The following FBP1 variants were observed in gnomAD, a reference collection of about 807,000 sequenced individuals.
The protein encoded by FBP1 is fructose-bisphosphatase 1.
In FBP1, 22 loss-of-function variants were observed where a neutral mutation model predicts 29.9. The ratio of observed to expected loss-of-function variants is 0.74; its 90% CI spans 0.53 to 1.05. The LOEUF (loss-of-function observed/expected upper bound fraction) is 1.05. Ranked by LOEUF, FBP1 falls within the 50% of genes least tolerant of loss-of-function variation. FBP1 has a pLI of 0.00. For synonymous variants in FBP1, 175 were observed against 178.6 expected (o/e 0.98, Z 0.16); for missense variants, 345 against 448.2 (o/e 0.77, Z 2.08).
chr9:94,608,938 T>C (rs773506290), intron 4 of FBP1, among the ~76,000 whole-genome samples: 4 of 152,126 alleles, frequency 2.6e-5, no homozygotes, highest in Non-Finnish European at 5.9e-5. Flanking sequence ...TGGTGGCTCA[T>C]GCCTGTAATC....
rs1202464251 is a variant in FBP1 at position 94,639,438 on chromosome 9, G to C, written c.-128C>G. The C allele has an allele frequency of 9.1e-7, 1 of 1,098,832 alleles. No homozygotes were observed. The highest frequency in any genetic ancestry group is 1.3e-6 in the Non-Finnish European group (1 of 745,190). 68.1% of individuals were successfully genotyped at this position (1,098,832 alleles called of 1,614,324 possible). A position where few individuals can be genotyped will look rare whatever the true frequency, so the allele number is the denominator to read the frequency against. On this transcript the variant is annotated 5_prime_UTR_variant, in exon 1 of 7. Transcript: ENST00000375326. ...AGCTGCAGGTGCGGGCGGCAGGTGC[G>C]GGCCGCGGGACCTGGCGGGAGGACT... is the stretch of plus-strand genomic sequence containing the variant.
At chr9:94,612,423 T>C (rs1827798617) in intron 3 of FBP1, among the ~76,000 whole-genome samples, 1 of 152,166 alleles carries the variant, frequency 6.6e-6, no homozygotes, top group African/African-American at 2.4e-5. Flanking sequence ...TCTACATTTA[T>C]ACACTTCCTC....
At position 94,639,380 on chromosome 9, in the gene FBP1, AGAGAGGGCAGTAGGCACTG is replaced by A; in HGVS notation, c.-89_-71del. 1.3e-6 allele frequency: 2 copies of A among 1,525,910 alleles called. No individual in the cohort carries two copies. The highest frequency in any genetic ancestry group is 1.8e-6 in the Non-Finnish European group (2 of 1,123,784). The allele number at this position is 1,525,910 out of a possible 1,614,324, so 94.5% of individuals were successfully genotyped here. ...TGCGGGGCTGCAGGTGCGGGCGGCA[AGAGAGGGCAGTAGGCACTG>A]GCCGCAGGTGCGGAGCTGCAGGTGC... is the stretch of plus-strand genomic sequence containing the variant. On this transcript the variant is annotated 5_prime_UTR_variant, in exon 1 of 7. Coordinates refer to ENST00000375326, the MANE Select transcript of FBP1 (RefSeq NM_000507.4).
chr9:94,629,631 A>G (rs1828073775), intron 1 of FBP1, among the ~76,000 whole-genome samples: 1 of 152,172 alleles, frequency 6.6e-6, no homozygotes, highest in African/African-American at 2.4e-5. Flanking sequence ...GTGACATCAC[A>G]TAACCCCCAC....
In FBP1 at chr9:94,617,826, C is replaced by G; in HGVS notation, c.368G>C (p.Gly123Ala). 1 of 1,613,860 alleles carries G rather than the reference C, an allele frequency of 6.2e-7. No homozygotes were observed. Among genetic ancestry groups the G allele is most frequent in the Non-Finnish European group, 8.5e-7 (1 of 1,179,874 alleles). Residue 123 changes from glycine to alanine, a missense_variant, in exon 3 of 7, where the codon GGA (glycine) becomes GCA (alanine). By Grantham distance (60) the Gly-to-Ala change is moderately conservative. Coordinates refer to ENST00000375326, the MANE Select transcript of FBP1 (RefSeq NM_000507.4). ...CACAAGGCAATCGATGTTGGAAGATCCATCAAGGGGATCAAAACAGACCAC... is the reference window on the plus strand; with the variant it reads ...CACAAGGCAATCGATGTTGGAAGATGCATCAAGGGGATCAAAACAGACCAC... ...KYVVCFDPLD[G>A]SSNIDCLVSV...
At chr9:94,615,324 T>G (rs1250771361) in intron 3 of FBP1, among the ~76,000 whole-genome samples, 1 of 152,212 alleles carries the variant, frequency 6.6e-6, no homozygotes, top group East Asian at 1.9e-4. Context: ...GCTTGATTTT[T>G]TTTTTTTAGT....
chr9:94,625,907 A>G (rs1186008307), intron 1 of FBP1, among the ~76,000 whole-genome samples: 1 of 152,152 alleles, frequency 6.6e-6, no homozygotes, highest in Non-Finnish European at 1.5e-5. Flanking sequence ...CAGCACCTCC[A>G]TGGACAGGGC....
intron 1 of FBP1, among the ~76,000 whole-genome samples, chr9:94,621,371 G>A (rs1479996025): frequency 6.8e-6 from 1 of 147,506 alleles, no homozygotes; most frequent in Non-Finnish European, 1.5e-5. Context: ...ACTCCAGCCT[G>A]GGCGACAGAG....
chr9:94,609,613 C>CGGG (rs1224749918), intron 4 of FBP1, among the ~76,000 whole-genome samples: 1 of 152,190 alleles, frequency 6.6e-6, no homozygotes, highest in Non-Finnish European at 1.5e-5. Flanking sequence ...CAGCACACTT[C>CGGG]ATCATCCCTA....
At chr9:94,613,853 G>A (rs1325482116) in intron 3 of FBP1, among the ~76,000 whole-genome samples, 4 of 151,696 alleles carry the variant, frequency 2.6e-5, no homozygotes, top group Non-Finnish European at 4.4e-5. Flanking sequence ...CGAGGCGGGC[G>A]GATCACGAGG....
intron 4 of FBP1, among the ~76,000 whole-genome samples, chr9:94,608,220 G>C (rs1827729977): frequency 6.6e-6 from 1 of 152,174 alleles, no homozygotes; most frequent in Non-Finnish European, 1.5e-5. Context: ...GAAACCGTCA[G>C]CCTGGCTTTG....
At chr9:94,605,315 C>A in intron 6 of FBP1, 142 bp downstream of exon 6, 3 of 838,692 alleles carry the variant, frequency 3.6e-6, no homozygotes, top group Non-Finnish European at 1.9e-6. Context: ...TACCTTTAAT[C>A]CACAAAAGAA....
At chr9:94,608,309 G>A (rs1827731693) in intron 4 of FBP1, among the ~76,000 whole-genome samples, 1 of 152,184 alleles carries the variant, frequency 6.6e-6, no homozygotes, top group African/African-American at 2.4e-5. Flanking sequence ...GCAGACAGAA[G>A]GGCTGGAATC....
At chr9:94,631,971 C>T (rs1179154419) in intron 1 of FBP1, among the ~76,000 whole-genome samples, 3 of 152,024 alleles carry the variant, frequency 2.0e-5, no homozygotes, top group South Asian at 2.1e-4. Flanking sequence ...TGGCTGTCTG[C>T]GCTTCTTTTA....
At chr9:94,606,603 C>T (rs565532144) in intron 5 of FBP1, among the ~76,000 whole-genome samples, 12 of 152,144 alleles carry the variant, frequency 7.9e-5, no homozygotes, top group African/African-American at 2.7e-4. Context: ...TCAGTGTAGA[C>T]GGAAGCCCAA....
chr9:94,636,965 C>G lies in FBP1; in HGVS notation c.170+2176G>C, dbSNP rs919184938. Among the ~76,000 whole-genome samples the G allele has an allele frequency of 3.3e-5, 5 of 152,226 alleles. No homozygotes were observed. The South Asian group carries it at 8.3e-4, about 25-fold the overall frequency. ...TCAGCCTCCCAAAGTGCTGGGATTA[C>G]AGGTGTGAGCCACCACACCCAGTCG... On this transcript the variant is annotated intron_variant, in intron 1 of 6. Transcript: ENST00000375326.
rs965048430 is a variant in FBP1 at position 94,632,870 on chromosome 9, C to T, written c.170+6271G>A. 7.2e-5 allele frequency among the ~76,000 whole-genome samples: 11 copies of T among 152,306 alleles called. No homozygotes were observed. In the South Asian group the frequency reaches 1.0e-3, roughly 14 times the overall value. On this transcript the variant is annotated intron_variant, in intron 1 of 6. Transcript: ENST00000375326. ...GGCAGGGCCAGGAATCTAAGCTTGG[C>T]TCCATCTCTCTCCAAAACGTGCTCT...
In FBP1 at chr9:94,617,783, A is replaced by G. The variant is rs1200113261; in HGVS notation, c.411T>C (p.Phe137=). 6.2e-7 allele frequency: 1 copy of G among 1,611,728 alleles called. No homozygotes were observed. Among genetic ancestry groups the G allele is most frequent in the South Asian group, 1.1e-5 (1 of 91,020 alleles). Residue 137 remains phenylalanine, a synonymous_variant, in exon 3 of 7, where the codon TTT becomes TTC. Transcript: ENST00000375326. The part of the protein sequence containing the change: ...IDCLVSVGTI[F]GIYRKKSTDE... Reference sequence around the variant, plus strand: ...CACGTTTTACCTTTCTATAGATGCCAAAAATGGTTCCAACGGACACAAGGC... The same window carrying G: ...CACGTTTTACCTTTCTATAGATGCCGAAAATGGTTCCAACGGACACAAGGC...
chr9:94,612,054 C>A (rs1246460227), intron 3 of FBP1, among the ~76,000 whole-genome samples: 1 of 152,190 alleles, frequency 6.6e-6, no homozygotes, highest in Admixed American at 6.5e-5. Context: ...TTTGTATTCA[C>A]CAGACAGTAC....
Sources: allele counts gnomAD v4.1 joint callset (sites outside exome capture counted in the v4.1 genomes callset), GRCh38; gene constraint gnomAD v4.1.1; transcripts MANE v1.5; gene names NCBI Gene and HGNC (gene_info 2026-07-23, HGNC 2026-07-21).